The following AURKA variants were observed in gnomAD, a reference collection of about 807,000 sequenced individuals.
AURKA encodes the protein aurora 2.
A neutral mutation model predicts 40.9 loss-of-function variants in AURKA; 12 were observed. The ratio of observed to expected loss-of-function variants is 0.29; its 90% CI spans 0.19 to 0.48. The LOEUF is 0.48. AURKA is among the 20% of genes least tolerant of loss of function. The pLI, the probability that AURKA is intolerant of heterozygous loss-of-function variation, is 0.99. For missense variants in AURKA, 322 were observed against 462.1 expected, an observed-to-expected ratio of 0.70 and a Z score of 2.78; for synonymous variants, 170 against 164.3, an observed-to-expected ratio of 1.03 and a Z score of -0.26.
At chr20:56,378,689 G>A (rs77694194) in intron 6 of AURKA, among the ~76,000 whole-genome samples, 2,923 of 152,292 alleles carry the variant, frequency 0.019, 39 homozygotes, top group Non-Finnish European at 0.03. Flanking sequence ...AATGGAATAT[G>A]ATTTTGTGAT....
chr20:56,377,730 T>C (rs1985118886), intron 6 of AURKA, among the ~76,000 whole-genome samples: 1 of 151,682 alleles, frequency 6.6e-6, no homozygotes, highest in Non-Finnish European at 1.5e-5. Context: ...GAGGTTGCAG[T>C]GAGCCAAAAT....
At chr20:56,389,204 G>A (rs1047259060) in intron 1 of AURKA, among the ~76,000 whole-genome samples, 3 of 148,984 alleles carry the variant, frequency 2.0e-5, no homozygotes, top group African/African-American at 5.0e-5. Flanking sequence ...ACTCAAGAAC[G>A]AGTCCCTGGA....
At chr20:56,374,485 A>G (rs1040321068) in intron 6 of AURKA, among the ~76,000 whole-genome samples, 5 of 152,254 alleles carry the variant, frequency 3.3e-5, no homozygotes, top group African/African-American at 9.6e-5. Context: ...AACAGAAACT[A>G]AAAAGCAGTT....
intron 6 of AURKA, among the ~76,000 whole-genome samples, chr20:56,374,646 G>C (rs1336176197): frequency 1.3e-5 from 2 of 151,866 alleles, no homozygotes; most frequent in Non-Finnish European, 2.9e-5. Context: ...ATGTTGACCA[G>C]GCTGGTCTCA....
At chr20:56,380,802 A>T (rs778162773) in intron 6 of AURKA, among the ~76,000 whole-genome samples, 21 of 152,232 alleles carry the variant, frequency 1.4e-4, no homozygotes, top group Non-Finnish European at 2.8e-4. Context: ...GCCCAATTTA[A>T]TCATGAGAAA....
chr20:56,378,646 C>T lies in AURKA; in HGVS notation c.705+2787G>A, dbSNP rs115340203. ...AGCAGCCAAGATACCCTTCAGTAGA[C>T]GAATAAACTGAGGTACTTCCATATA... On this transcript the variant is annotated intron_variant, in intron 6 of 8. Coordinates refer to ENST00000395915, the MANE Select transcript of AURKA (RefSeq NM_198437.3). Among the ~76,000 whole-genome samples the T allele has an allele frequency of 5.5e-3, 844 of 152,192 alleles. 8 individuals are homozygous for T. Among genetic ancestry groups the T allele is most frequent in the African/African-American group, 0.019 (809 of 41,520 alleles).
chr20:56,381,362 G>T (rs889814605), intron 6 of AURKA, 71 bp downstream of exon 6: 46 of 1,580,916 alleles, frequency 2.9e-5, no homozygotes, highest in Non-Finnish European at 3.8e-5. Flanking sequence ...CTACTATGAT[G>T]AAAGGTACAT....
intron 5 of AURKA, 79 bp from the exon 6 acceptor site, chr20:56,381,650 CA>C (rs2071901960): frequency 6.4e-7 from 1 of 1,568,024 alleles, no homozygotes; most frequent in Non-Finnish European, 8.7e-7. Context: ...ACAAACTCTT[CA>C]TGTAAAACCA....
chr20:56,380,396 T>C (rs939773084), intron 6 of AURKA, among the ~76,000 whole-genome samples: 1 of 149,794 alleles, frequency 6.7e-6, no homozygotes. Flanking sequence ...AAGTTCCCAG[T>C]GGCCAAAGTT....
At chr20:56,372,092 C>T (rs1984319827) in intron 7 of AURKA, among the ~76,000 whole-genome samples, 1 of 152,174 alleles carries the variant, frequency 6.6e-6, no homozygotes, top group Non-Finnish European at 1.5e-5. Context: ...AGACAGCAAG[C>T]CAGAACAGTC....
chr20:56,383,320 C>T, intron 4 of AURKA, 144 bp from the exon 5 acceptor site: 1 of 897,324 alleles, frequency 1.1e-6, no homozygotes, highest in Non-Finnish European at 1.7e-6. Flanking sequence ...AAGGCAATAA[C>T]CACTATCAAA....
In AURKA at chr20:56,387,894, A is replaced by G. The variant is rs142961630; in HGVS notation, c.42+262T>C. ...ATTTTAAAAGTTTTGAACTCCTGCC[A>G]GATGCATTATTACTATTATCCTGCA... On this transcript the variant is annotated intron_variant, in intron 2 of 8. Transcript: ENST00000395915. 6.9e-3 allele frequency among the ~76,000 whole-genome samples: 1,048 copies of G among 152,318 alleles called. 12 individuals carry two copies. Among genetic ancestry groups the G allele is most frequent in the African/African-American group, 0.024 (995 of 41,570 alleles).
At chr20:56,381,764 A>G (rs889061764) in intron 5 of AURKA, among the ~76,000 whole-genome samples, 193 bp from the exon 6 acceptor site, 2 of 152,200 alleles carry the variant, frequency 1.3e-5, no homozygotes, top group African/African-American at 4.8e-5. Context: ...TTTTAAAAGC[A>G]CTTCACAGTA....
chr20:56,376,083 A>G (rs1984884168), intron 6 of AURKA, among the ~76,000 whole-genome samples: 2 of 152,228 alleles, frequency 1.3e-5, no homozygotes, highest in Admixed American at 1.3e-4. Flanking sequence ...AAGTAGTATA[A>G]TGTGTAATTT....
intron 2 of AURKA, among the ~76,000 whole-genome samples, chr20:56,387,708 T>C (rs1986541179): frequency 6.6e-6 from 1 of 152,140 alleles, no homozygotes. Flanking sequence ...CTCCTGAAAT[T>C]AGCACACTGT....
chr20:56,372,818 C>G (rs1411059856), intron 7 of AURKA, among the ~76,000 whole-genome samples: 1 of 152,170 alleles, frequency 6.6e-6, no homozygotes, highest in Non-Finnish European at 1.5e-5. Flanking sequence ...TATTGTAGTT[C>G]ACTTGGAAAG....
At chr20:56,386,719 G>C (rs1386783565) in intron 2 of AURKA, among the ~76,000 whole-genome samples, 186 bp from the exon 3 acceptor site, 1 of 152,186 alleles carries the variant, frequency 6.6e-6, no homozygotes, top group East Asian at 1.9e-4. Context: ...AAGAATACCT[G>C]AATGATACCT....
In AURKA at chr20:56,373,443, T is replaced by G; in HGVS notation, c.819A>C (p.Ala273=). ...GAGCATGTACTGACCACCCAAAATC[T>G]GCAATTTTAAGCTCTCCAGCTGATC... ...LLGSAGELKI[A]DFGWSVHAPS... The change falls in exon 7 of 9, where the codon GCA becomes GCC. Residue 273 remains alanine (A), a synonymous_variant. Coordinates refer to ENST00000395915, the MANE Select transcript of AURKA (RefSeq NM_198437.3). The surrounding 1 kb of genome is among the most constrained non-coding windows in gnomAD (Gnocchi z 5.0). 1 of 1,614,070 alleles carries G rather than the reference T, an allele frequency of 6.2e-7. No individual in the cohort carries two copies. The highest frequency in any genetic ancestry group is 8.5e-7 in the Non-Finnish European group (1 of 1,180,036).
At chr20:56,383,203 T>A in intron 4 of AURKA, 27 bp from the exon 5 acceptor site, 2 of 1,612,676 alleles carry the variant, frequency 1.2e-6, no homozygotes, top group Non-Finnish European at 1.7e-6. Context: ...CACTTTAGAA[T>A]GTGAAGAAAA....
Sources: gnomAD v4.1 joint callset for allele counts (sites outside exome capture counted in the v4.1 genomes callset) on GRCh38, gnomAD v4.1.1 for gene constraint, Gnocchi (gnomAD v3.1) non-coding constraint, MANE v1.5 for transcripts, NCBI Gene and HGNC (gene_info 2026-07-23, HGNC 2026-07-21) for gene names.